Variants in AQR observed in about 807,000 individuals in gnomAD.
The protein encoded by AQR is aquarius intron-binding spliceosomal factor, also known as RNA helicase aquarius.
In AQR, 61 loss-of-function variants were observed where a neutral mutation model predicts 180.5. The observed-to-expected ratio is 0.34, with a 90% CI of 0.28 to 0.42. The LOEUF (loss-of-function observed/expected upper bound fraction) is 0.42, where lower values mean the gene tolerates loss of function less well. AQR is among the 10% of genes least tolerant of loss of function. AQR has a pLI of 1.00. For synonymous variants in AQR, 551 were observed against 588.8 expected (o/e 0.94, Z 0.93); for missense variants, 1,281 against 1,798.3 (o/e 0.71, Z 5.20).
chr15:34,932,813 G>A (rs1893886495), intron 10 of AQR, among the ~76,000 whole-genome samples: 1 of 152,076 alleles, frequency 6.6e-6, no homozygotes, highest in African/African-American at 2.4e-5. Context: ...AAACTAGCTA[G>A]GTGTGGTGAT....
At chr15:34,875,815 T>G in intron 28 of AQR, 120 bp downstream of exon 28, 1 of 675,888 alleles carries the variant, frequency 1.5e-6, no homozygotes. Flanking sequence ...CCAAACATAA[T>G]GAAGTTAAGG....
intron 5 of AQR, among the ~76,000 whole-genome samples, chr15:34,946,825 G>A (rs567835096): frequency 6.2e-4 from 92 of 147,744 alleles, no homozygotes; most frequent in African/African-American, 2.1e-3. Context: ...CTGCCCGGCC[G>A]CCCCTACTGG....
At chr15:34,907,399 T>C (rs889739873) in intron 17 of AQR, among the ~76,000 whole-genome samples, 20 of 152,210 alleles carry the variant, frequency 1.3e-4, no homozygotes, top group South Asian at 4.1e-4. Flanking sequence ...AAGACAAGGA[T>C]TATAAAATTA....
intron 19 of AQR, among the ~76,000 whole-genome samples, chr15:34,902,910 T>C (rs909068418): frequency 8.5e-5 from 13 of 152,140 alleles, no homozygotes; most frequent in Non-Finnish European, 1.8e-4. Context: ...TAGACTTGCT[T>C]GCTTCATTGC....
intron 17 of AQR, among the ~76,000 whole-genome samples, chr15:34,909,389 A>G (rs1893465404): frequency 1.3e-5 from 2 of 152,172 alleles, no homozygotes; most frequent in South Asian, 4.1e-4. Flanking sequence ...GGACTTAGTA[A>G]TTTTGAACAT....
rs753371333 is a variant in AQR at position 34,870,783 on chromosome 15, C to T, written c.3737G>A (p.Gly1246Glu). ...TGGTCTTCCAATCAATGGATTGTTTCCACATCGTCTATTGATGATGTCGCG... is the reference window on the plus strand; with the variant it reads ...TGGTCTTCCAATCAATGGATTGTTTTCACATCGTCTATTGATGATGTCGCG... ...LIRDIINRRC[G>E]NNPLIGRPNK... The change falls in exon 31 of 35, where the codon GGA becomes GAA. Residue 1246 changes from glycine to glutamate, a missense_variant. Around this residue, in one of 9 missense-constraint regions of AQR, gnomAD observed 197 missense variants for 320.7 expected, o/e 0.61. Transcript: ENST00000156471. 6 of 1,612,454 alleles carry T rather than the reference C, an allele frequency of 3.7e-6. No individual in the cohort carries two copies. In the South Asian group the frequency reaches 6.6e-5, roughly 18 times the overall value.
At chr15:34,860,494 C>T (rs936853249) in intron 33 of AQR, among the ~76,000 whole-genome samples, 15 of 151,254 alleles carry the variant, frequency 9.9e-5, no homozygotes, top group African/African-American at 3.6e-4. Context: ...GAGTTGCCAG[C>T]TTTTAATATA....
At chr15:34,875,793 T>C (rs1345108603) in intron 28 of AQR, 142 bp downstream of exon 28, 1 of 578,588 alleles carries the variant, frequency 1.7e-6, no homozygotes, top group African/African-American at 1.8e-5. Context: ...TTTACAGGCT[T>C]AAAATAGAAT....
In AQR at chr15:34,969,551, C is replaced by T; in HGVS notation, c.63G>A (p.Glu21=). 6.2e-7 allele frequency: 1 copy of T among 1,613,780 alleles called. No homozygotes were observed. The highest frequency in any genetic ancestry group is 1.1e-5 in the South Asian group (1 of 91,080). Residue 21 remains glutamate (E), a synonymous_variant, in exon 1 of 35, where the codon GAG becomes GAA. Transcript: ENST00000156471. ...VAPTVSQINA[E]FVTQLACKYW... The stretch of plus-strand genomic sequence containing the variant: ...CGCCCGAGCTCACCTGGGTCACGAA[C>T]TCCGCATTGATTTGGGACACCGTAG...
At chr15:34,899,002 C>T (rs1040300052) in intron 20 of AQR, among the ~76,000 whole-genome samples, 3 of 150,042 alleles carry the variant, frequency 2.0e-5, no homozygotes, top group Admixed American at 6.7e-5. Flanking sequence ...CCTGTCTCTA[C>T]CAAAAATACA....
At chr15:34,875,411 G>A (rs1892876685) in intron 28 of AQR, among the ~76,000 whole-genome samples, 2 of 152,108 alleles carry the variant, frequency 1.3e-5, no homozygotes, top group African/African-American at 4.8e-5. Context: ...AACAACTTCT[G>A]GAACTCAATT....
At chr15:34,947,810 T>G (rs551648818) in intron 5 of AQR, among the ~76,000 whole-genome samples, 2 of 152,172 alleles carry the variant, frequency 1.3e-5, no homozygotes, top group African/African-American at 4.8e-5. Context: ...TGGCTAATTT[T>G]TTCTTTTTTT....
Position 34,941,009 on chromosome 15 carries a change from A to AGATGT in AQR, c.541-15_541-11dup, listed in dbSNP as rs1229809673. ...CTAATTCCAATCGTGCCTGAAGAAG[A>AGATGT]GATGTGTTATTAAATTACCAGTAGC... is the stretch of plus-strand genomic sequence containing the variant. On this transcript the variant is annotated splice_polypyrimidine_tract_variant and intron_variant, in intron 7 of 34. Coordinates refer to ENST00000156471, the MANE Select transcript of AQR (RefSeq NM_014691.3). 9 of 1,568,574 alleles carry AGATGT rather than the reference A, an allele frequency of 5.7e-6. No individual in the cohort carries two copies. Among genetic ancestry groups the AGATGT allele is most frequent in the Non-Finnish European group, 7.8e-6 (9 of 1,147,120 alleles).
At chr15:34,925,968 C>A (rs1040046880) in intron 13 of AQR, among the ~76,000 whole-genome samples, 1 of 151,962 alleles carries the variant, frequency 6.6e-6, no homozygotes. Flanking sequence ...GAGATCGAGA[C>A]CATCTTGGCT....
intron 1 of AQR, among the ~76,000 whole-genome samples, chr15:34,967,718 G>C (rs1338945529): frequency 6.6e-6 from 1 of 152,186 alleles, no homozygotes; most frequent in African/African-American, 2.4e-5. Flanking sequence ...AGGAAAAAGA[G>C]GAAACTGAAG....
intron 9 of AQR, among the ~76,000 whole-genome samples, chr15:34,936,716 TAA>T (rs111758364): frequency 4.3e-5 from 6 of 139,228 alleles, no homozygotes; most frequent in Admixed American, 2.2e-4. Context: ...ACTCCATCTT[TAA>T]AAAAAAAAAA....
At chr15:34,865,858 T>A (rs1201970988) in intron 32 of AQR, among the ~76,000 whole-genome samples, 4 of 152,110 alleles carry the variant, frequency 2.6e-5, no homozygotes, top group Admixed American at 2.6e-4. Context: ...TAGGCAAATC[T>A]ACAGAGATAA....
At chr15:34,903,513 T>G (rs888507917) in intron 19 of AQR, among the ~76,000 whole-genome samples, 1 of 152,136 alleles carries the variant, frequency 6.6e-6, no homozygotes, top group African/African-American at 2.4e-5. Flanking sequence ...ACTGATAGAT[T>G]AGAGGTAGAG....
intron 33 of AQR, 43 bp downstream of exon 33, chr15:34,862,824 C>T (rs1287129238): frequency 1.2e-6 from 2 of 1,600,534 alleles, no homozygotes; most frequent in South Asian, 1.1e-5. Flanking sequence ...CCAATTTCCA[C>T]TCTGAGGAAT....
Sources: allele counts gnomAD v4.1 joint callset (sites outside exome capture counted in the v4.1 genomes callset), GRCh38; gene constraint gnomAD v4.1.1; regional missense constraint gnomAD v4.1.1; transcripts MANE v1.5; gene names NCBI Gene and HGNC (gene_info 2026-07-23, HGNC 2026-07-21).